TENM1: variants seen among roughly 807,000 people sequenced by gnomAD.
TENM1 encodes teneurin transmembrane protein 1, also known as teneurin-1.
A neutral mutation model predicts 174.8 loss-of-function variants in TENM1; 35 were observed. The observed-to-expected ratio is 0.20, with a 90% CI of 0.15 to 0.27. The LOEUF is 0.27. Among genes scored for constraint, TENM1 ranks in the 10% least tolerant of loss-of-function variants. The pLI, the probability that TENM1 is intolerant of heterozygous loss-of-function variation, is 1.00. For missense variants in TENM1, 1,633 were observed against 2,130.1 expected (o/e 0.77, Z 4.59); for synonymous variants, 781 against 798.7 (o/e 0.98, Z 0.37).
At chrX:124,633,682 A>G (rs2050812766) in intron 11 of TENM1, among the ~76,000 whole-genome samples, 1 of 111,062 alleles carries the variant, frequency 9.0e-6, no homozygotes, top group Non-Finnish European at 1.9e-5. Context: ...ATCTGAGACT[A>G]TTTTGTGGTT....
intron 3 of TENM1, among the ~76,000 whole-genome samples, chrX:124,852,734 T>C (rs1012875991): frequency 9.9e-5 from 11 of 111,233 alleles, no homozygotes; most frequent in African/African-American, 2.9e-4. Context: ...ATACGGATGA[T>C]ACTTCTCAGA....
At chrX:124,395,986 A>G (rs568298580) in intron 27 of TENM1, among the ~76,000 whole-genome samples, 1 of 111,919 alleles carries the variant, frequency 8.9e-6, no homozygotes, top group African/African-American at 3.2e-5. Flanking sequence ...TAAAGTCATT[A>G]TAGCTACATA....
At chrX:125,191,686 G>A in the TENM1 span, among the ~76,000 whole-genome samples, 1 of 111,971 alleles carries the variant, frequency 8.9e-6, no homozygotes, top group African/African-American at 3.2e-5. Flanking sequence ...ATTATTACTT[G>A]TAATGCTAGA....
intron 11 of TENM1, among the ~76,000 whole-genome samples, chrX:124,581,319 C>T (rs1348517877): frequency 9.0e-6 from 1 of 111,071 alleles, no homozygotes; most frequent in Non-Finnish European, 1.9e-5. Context: ...CCCACCCCAA[C>T]CTCCCAAAGT....
At chrX:124,385,736 A>C in exon 29 of TENM1, 1 of 1,209,872 alleles carries the variant, frequency 8.3e-7, no homozygotes. Context: ...TATTGTCTTA[A>C]TCACTCCAGA....
chrX:125,055,885 A>T, the TENM1 span, among the ~76,000 whole-genome samples: 6 of 112,031 alleles, frequency 5.4e-5, no homozygotes, highest in Admixed American at 4.8e-4. Flanking sequence ...AAAGCCAGGG[A>T]CTATTTTCAG....
chrX:124,571,038 A>C, intron 11 of TENM1, among the ~76,000 whole-genome samples: 1 of 111,924 alleles, frequency 8.9e-6, no homozygotes. Context: ...AGCTATGACT[A>C]TACAATACAT....
chrX:125,150,744 C>G, the TENM1 span, among the ~76,000 whole-genome samples: 2 of 112,129 alleles, frequency 1.8e-5, no homozygotes, highest in African/African-American at 6.5e-5. Flanking sequence ...AAAAAGCTGC[C>G]CTTTATTCAT....
intron 1 of TENM1, among the ~76,000 whole-genome samples, chrX:124,914,226 G>T (rs2057884906): frequency 9.0e-6 from 1 of 111,675 alleles, no homozygotes; most frequent in South Asian, 3.8e-4. Flanking sequence ...ATCTAATATG[G>T]ATCTCTAATT....
rs191506102 is a variant in TENM1, at chrX:124,861,999, A to T, written c.535+32297T>A. On this transcript the variant is annotated intron_variant, in intron 3 of 31. Coordinates refer to ENST00000422452, the Ensembl canonical transcript of TENM1. Reference sequence around the variant, plus strand: ...TCTCCATGCACAAGTTAGCTTGAATATATTACCATAAGGGCCAGTATAGTC... The same window carrying T: ...TCTCCATGCACAAGTTAGCTTGAATTTATTACCATAAGGGCCAGTATAGTC... Among the ~76,000 whole-genome samples the T allele has an allele frequency of 4.5e-5, 5 of 112,046 alleles. No individual in the cohort carries two copies. In the Admixed American group the frequency reaches 4.7e-4, roughly 11 times the overall value.
intron 22 of TENM1, among the ~76,000 whole-genome samples, chrX:124,455,272 T>C (rs1365574113): frequency 1.8e-5 from 2 of 111,723 alleles, no homozygotes; most frequent in Non-Finnish European, 3.8e-5. Context: ...TTTTTAGAGG[T>C]ATAAGGACCC....
chrX:124,386,991 C>T (rs1039031067), intron 28 of TENM1, among the ~76,000 whole-genome samples: 1 of 107,584 alleles, frequency 9.3e-6, no homozygotes, highest in Non-Finnish European at 1.9e-5. Flanking sequence ...GCATATGTTT[C>T]AGAGGAAGGT....
chrX:124,615,846 T>C (rs1413131659), intron 11 of TENM1, among the ~76,000 whole-genome samples: 3 of 112,098 alleles, frequency 2.7e-5, no homozygotes, highest in Non-Finnish European at 5.6e-5. Context: ...ACATGTTATG[T>C]CATTTCATCC....
At chrX:124,614,615 G>A (rs1416851491) in intron 11 of TENM1, among the ~76,000 whole-genome samples, 1 of 112,483 alleles carries the variant, frequency 8.9e-6, no homozygotes, top group African/African-American at 3.2e-5. Flanking sequence ...GGGCGTGGTG[G>A]CTCACGCCTG....
At chrX:125,015,550 C>T in the TENM1 span, among the ~76,000 whole-genome samples, 1 of 111,608 alleles carries the variant, frequency 9.0e-6, no homozygotes. Context: ...AAGAACTGAT[C>T]TGCTTTTGGA....
At chrX:125,005,326 G>T in the TENM1 span, among the ~76,000 whole-genome samples, 1 of 106,433 alleles carries the variant, frequency 9.4e-6, no homozygotes, top group Non-Finnish European at 1.9e-5. Flanking sequence ...AAACTATTAT[G>T]CATTGGAATT....
chrX:124,760,483 G>A (rs186043207), intron 3 of TENM1, among the ~76,000 whole-genome samples: 1 of 111,630 alleles, frequency 9.0e-6, no homozygotes, highest in East Asian at 2.8e-4. Context: ...AGTGGTGCGA[G>A]AGGGCATCCC....
At chrX:124,826,882 T>C (rs2056174881) in intron 3 of TENM1, among the ~76,000 whole-genome samples, 2 of 111,750 alleles carry the variant, frequency 1.8e-5, no homozygotes, top group Non-Finnish European at 3.8e-5. Flanking sequence ...TCACACTTTT[T>C]GCTCACTTCC....
intron 11 of TENM1, among the ~76,000 whole-genome samples, chrX:124,603,458 C>T (rs994662574): frequency 9.0e-6 from 1 of 111,403 alleles, no homozygotes; most frequent in Non-Finnish European, 1.9e-5. Context: ...GTCCTCAGAA[C>T]AGCTCTATGT....
Sources: allele counts gnomAD v4.1 joint callset (sites outside exome capture counted in the v4.1 genomes callset), GRCh38; gene constraint gnomAD v4.1.1; transcripts MANE v1.5; gene names NCBI Gene and HGNC (gene_info 2026-07-23, HGNC 2026-07-21).